NCOA7: variants seen among roughly 807,000 people sequenced by gnomAD.
The protein encoded by NCOA7 is 140 kDa estrogen receptor-associated protein.
A neutral mutation model predicts 104.3 loss-of-function variants in NCOA7; 45 were observed. The observed-to-expected ratio is 0.43, with a 90% CI of 0.34 to 0.55. The LOEUF is 0.55. NCOA7 is among the 20% of genes least tolerant of loss of function. The pLI, the probability that NCOA7 is intolerant of heterozygous loss-of-function variation, is 0.02. For missense variants in NCOA7, 1,041 were observed against 1,119.7 expected, an observed-to-expected ratio of 0.93 and a Z score of 1.00; for synonymous variants, 398 against 402.3, an observed-to-expected ratio of 0.99 and a Z score of 0.13.
chr6:125,797,410 T>C lies in NCOA7; in HGVS notation c.-65+6343T>C, dbSNP rs117797136. Among the ~76,000 whole-genome samples the C allele has an allele frequency of 1.9e-3, 284 of 152,374 alleles. 2 individuals are homozygous for C. Among genetic ancestry groups the C allele is most frequent in the Non-Finnish European group, 3.6e-3 (246 of 68,030 alleles). On this transcript the variant is annotated intron_variant, in intron 1 of 15. Transcript: ENST00000392477. ...GAGGATTTAGAAAATAAGAGTTTAA[T>C]AGTGTTTGTTCAACACTGTTCATGT...
rs530961797 is a variant in NCOA7 at position 125,825,525 on chromosome 6, C to A, written c.50+10121C>A. Among the ~76,000 whole-genome samples the A allele has an allele frequency of 1.2e-4, 19 of 152,262 alleles. No homozygotes were observed. The South Asian group carries it at 3.7e-3, about 30-fold the overall frequency. On this transcript the variant is annotated intron_variant, in intron 2 of 15. Coordinates refer to ENST00000392477, the MANE Select transcript of NCOA7 (RefSeq NM_181782.5). Reference sequence around the variant, plus strand: ...TATGACATCTGTGGTGCATGTACTTCACGATTTAGAGCTAGAAGAGCTTTG... The same window carrying A: ...TATGACATCTGTGGTGCATGTACTTAACGATTTAGAGCTAGAAGAGCTTTG...
intron 1 of NCOA7, among the ~76,000 whole-genome samples, chr6:125,814,022 T>A (rs1777335230): frequency 6.6e-6 from 1 of 152,214 alleles, no homozygotes; most frequent in East Asian, 1.9e-4. Flanking sequence ...AAATATCATG[T>A]CTTTATCTTT....
In NCOA7 at chr6:125,865,254, C is replaced by T. The variant is rs1782352558; in HGVS notation, c.272-9635C>T. 1.4e-5 allele frequency among the ~76,000 whole-genome samples: 2 copies of T among 138,450 alleles called. 1 individual carries two copies. Among genetic ancestry groups the T allele is most frequent in the Non-Finnish European group, 3.1e-5 (2 of 65,038 alleles). The allele number at this position is 138,450 out of a possible 152,430, so 90.8% of individuals were successfully genotyped here. A position where few individuals can be genotyped will look rare whatever the true frequency, so the allele number is the denominator to read the frequency against. ...TTCCACAAACGAGGAGGACCTTCTCCATGCTGAGTGCAGTAGTAGATTCTA... is the reference window on the plus strand; with the variant it reads ...TTCCACAAACGAGGAGGACCTTCTCTATGCTGAGTGCAGTAGTAGATTCTA... On this transcript the variant is annotated intron_variant, in intron 3 of 15. Transcript: ENST00000392477.
intron 2 of NCOA7, among the ~76,000 whole-genome samples, chr6:125,846,517 T>C (rs977582731): frequency 3.3e-5 from 5 of 152,202 alleles, no homozygotes; most frequent in Non-Finnish European, 5.9e-5. Flanking sequence ...ATATTTCCAA[T>C]GCAGGTTGCA....
At chr6:125,873,859 G>A (rs1783131308) in intron 3 of NCOA7, among the ~76,000 whole-genome samples, 2 of 152,310 alleles carry the variant, frequency 1.3e-5, no homozygotes, top group Middle Eastern at 3.4e-3. Flanking sequence ...ACAGGTTGGA[G>A]CATCTTTTCA....
At chr6:125,782,243 TTCTA>T (rs1774260721) in intron 1 of NCOA7, among the ~76,000 whole-genome samples, 1 of 152,336 alleles carries the variant, frequency 6.6e-6, no homozygotes, top group East Asian at 1.9e-4. Context: ...TACATTATAT[TTCTA>T]TCTTACAGTA....
rs767635695 is a variant in NCOA7, at chr6:125,885,412, G to A, written c.884+69G>A. On this transcript the variant is annotated intron_variant, in intron 8 of 15. Transcript: ENST00000392477. ...GAGCTAAATGTAGCTTAAAAATGAG[G>A]GCATTTGCATGATTGAGGGATTGTG... 1.7e-4 allele frequency: 249 copies of A among 1,503,890 alleles called. 2 individuals carry two copies. The highest frequency in any genetic ancestry group is 2.1e-4 in the Non-Finnish European group (236 of 1,098,384). The allele number at this position is 1,503,890 out of a possible 1,614,324, so 93.2% of individuals were successfully genotyped here. A position where few individuals can be genotyped will look rare whatever the true frequency, so the allele number is the denominator to read the frequency against.
intron 2 of NCOA7, among the ~76,000 whole-genome samples, chr6:125,841,833 A>G (rs1372825946): frequency 2.0e-5 from 3 of 152,188 alleles, no homozygotes; most frequent in Non-Finnish European, 2.9e-5. Flanking sequence ...GACATGTTGG[A>G]TGTAAACCAA....
chr6:125,841,677 A>T (rs2128605004), intron 2 of NCOA7, among the ~76,000 whole-genome samples: 1 of 152,236 alleles, frequency 6.6e-6, no homozygotes, highest in Non-Finnish European at 1.5e-5. Flanking sequence ...CCAGACTCAG[A>T]GTTCTGCACT....
At chr6:125,848,698 A>G (rs1276393242) in intron 2 of NCOA7, among the ~76,000 whole-genome samples, 1 of 152,128 alleles carries the variant, frequency 6.6e-6, no homozygotes, top group Non-Finnish European at 1.5e-5. Flanking sequence ...TACCTAATGT[A>G]AATGACGAGT....
At chr6:125,927,073 CG>C (rs1788096532) in intron 13 of NCOA7, among the ~76,000 whole-genome samples, 1 of 152,222 alleles carries the variant, frequency 6.6e-6, no homozygotes, top group African/African-American at 2.4e-5. Flanking sequence ...CATGATATTA[CG>C]GGGTTATTTG....
intron 10 of NCOA7, among the ~76,000 whole-genome samples, chr6:125,904,463 T>C (rs2128675183): frequency 6.6e-6 from 1 of 152,268 alleles, no homozygotes; most frequent in East Asian, 1.9e-4. Flanking sequence ...CCATGTCCAC[T>C]TTGACCTCAC....
At chr6:125,856,537 A>G (rs1373362070) in intron 3 of NCOA7, among the ~76,000 whole-genome samples, 3 of 152,094 alleles carry the variant, frequency 2.0e-5, no homozygotes, top group Non-Finnish European at 4.4e-5. Flanking sequence ...TATATTTAGT[A>G]GAGACGGGGT....
chr6:125,900,375 A>G (rs1048760255), intron 10 of NCOA7, among the ~76,000 whole-genome samples: 1 of 152,256 alleles, frequency 6.6e-6, no homozygotes, highest in Non-Finnish European at 1.5e-5. Flanking sequence ...TGATATTAAT[A>G]TAAACTTTTA....
chr6:125,823,715 T>A (rs1778403400), intron 2 of NCOA7, among the ~76,000 whole-genome samples: 1 of 152,214 alleles, frequency 6.6e-6, no homozygotes, highest in Non-Finnish European at 1.5e-5. Context: ...TTTTGCTTCG[T>A]TTTTGAGGAA....
Position 125,882,846 on chromosome 6 carries a change from A to G in NCOA7, c.699+295A>G, listed in dbSNP as rs540306108. On this transcript the variant is annotated intron_variant, in intron 7 of 15. Transcript: ENST00000392477. The stretch of plus-strand genomic sequence containing the variant: ...ATATACTGTACATATAACAGCAAAC[A>G]CTGGAGTCAGACTCACTGAATTTAA... Among the ~76,000 whole-genome samples, 97 of 152,322 alleles carry G rather than the reference A, an allele frequency of 6.4e-4. 1 individual carries two copies. Among genetic ancestry groups the G allele is most frequent in the Admixed American group, 5.8e-3 (89 of 15,306 alleles).
At chr6:125,875,317 C>A (rs1783268699) in intron 4 of NCOA7, 1 of 190,268 alleles carries the variant, frequency 5.3e-6, no homozygotes, top group Non-Finnish European at 1.1e-5. Context: ...GATGACCTTC[C>A]CCAATAGAGG....
chr6:125,907,740 A>C (rs1786151760), intron 10 of NCOA7, among the ~76,000 whole-genome samples: 1 of 152,098 alleles, frequency 6.6e-6, no homozygotes, highest in South Asian at 2.1e-4. Context: ...CACATTATTG[A>C]GTCTTACCAA....
chr6:125,890,517 G>T, intron 9 of NCOA7, 125 bp from the exon 10 acceptor site: 1 of 915,106 alleles, frequency 1.1e-6, no homozygotes, highest in Non-Finnish European at 1.6e-6. Flanking sequence ...CTGATACGAT[G>T]TTGTAGGATG....
Sources: gnomAD v4.1 joint callset for allele counts (sites outside exome capture counted in the v4.1 genomes callset) on GRCh38, gnomAD v4.1.1 for gene constraint, MANE v1.5 for transcripts, NCBI Gene and HGNC (gene_info 2026-07-23, HGNC 2026-07-21) for gene names.